SMYD3: variants seen among roughly 807,000 people sequenced by gnomAD.
SMYD3 encodes SET and MYND domain containing 3.
SMYD3 carries 36 observed loss-of-function variants against 57.7 expected under a neutral mutation model. The observed-to-expected ratio is 0.62, with a 90% CI of 0.48 to 0.82. The LOEUF (loss-of-function observed/expected upper bound fraction) is 0.82. Ranked by LOEUF, SMYD3 falls within the 40% of genes least tolerant of loss-of-function variation. The probability of loss-of-function intolerance (pLI) is 0.00; values close to 1 mark genes in which losing one functional copy is unlikely to be tolerated. For missense variants in SMYD3, 515 were observed against 538.8 expected (o/e 0.96, Z 0.44); for synonymous variants, 211 against 195.0 (o/e 1.08, Z -0.68).
intron 5 of SMYD3, among the ~76,000 whole-genome samples, chr1:246,242,828 G>C (rs10924607): frequency 0.21 from 31,293 of 151,434 alleles, 3,933 homozygotes; most frequent in East Asian, 0.58. Context: ...AGACTTTAAA[G>C]CAACAAAGAT....
chr1:245,951,107 T>C (rs1441394904), intron 5 of SMYD3, among the ~76,000 whole-genome samples: 3 of 152,082 alleles, frequency 2.0e-5, no homozygotes, highest in African/African-American at 2.4e-5. Flanking sequence ...ACACAAGAAC[T>C]GAAGAAAAAC....
chr1:246,153,867 AC>A (rs2061980639), intron 5 of SMYD3, among the ~76,000 whole-genome samples: 1 of 152,088 alleles, frequency 6.6e-6, no homozygotes, highest in South Asian at 2.1e-4. Context: ...TAGAAAAAAA[AC>A]CCTTTATACT....
At chr1:246,261,707 T>TA (rs34249312) in intron 5 of SMYD3, among the ~76,000 whole-genome samples, 58 of 151,050 alleles carry the variant, frequency 3.8e-4, no homozygotes, top group Non-Finnish European at 7.1e-4. Context: ...AATAAGAATT[T>TA]AAAAAAAAAA....
chr1:246,088,562 A>C, intron 5 of SMYD3, among the ~76,000 whole-genome samples: 1 of 140,514 alleles, frequency 7.1e-6, no homozygotes, highest in African/African-American at 3.0e-5. Flanking sequence ...GTGAGCCGAG[A>C]TCATGCCACT....
At chr1:246,491,559 AAGAG>A (rs1553356215) in intron 1 of SMYD3, among the ~76,000 whole-genome samples, 1 of 148,272 alleles carries the variant, frequency 6.7e-6, no homozygotes, top group African/African-American at 2.5e-5. Flanking sequence ...AAAAAAAAAA[AAGAG>A]AGAGAAATAA....
rs761313433 is a variant in SMYD3, at chr1:245,915,665, C to T, written c.703-25G>A. The T allele has an allele frequency of 2.2e-5, 32 of 1,426,570 alleles. 1 individual carries two copies. The Admixed American group carries it at 3.6e-4, about 16-fold the overall frequency. The allele number at this position is 1,426,570 out of a possible 1,614,324, so 88.4% of individuals were successfully genotyped here. ...GCTGTGCAGGCCAGAGAGAGGGAAG[C>T]GCTGAAACATCTGCTGTGCTCATTT... is the stretch of plus-strand genomic sequence containing the variant. On this transcript the variant is annotated intron_variant, in intron 7 of 11. Coordinates refer to ENST00000490107, the MANE Select transcript of SMYD3 (RefSeq NM_001167740.2).
intron 5 of SMYD3, among the ~76,000 whole-genome samples, chr1:246,291,037 A>T (rs1267858017): frequency 2.6e-5 from 2 of 77,836 alleles, no homozygotes; most frequent in Middle Eastern, 5.0e-3. Context: ...TAAGCGTGAT[A>T]AAAAAAAAAA....
At chr1:245,889,490 C>T (rs2053263293) in intron 8 of SMYD3, among the ~76,000 whole-genome samples, 1 of 152,144 alleles carries the variant, frequency 6.6e-6, no homozygotes, top group Non-Finnish European at 1.5e-5. Context: ...CTGAAGAGGT[C>T]TGTTTTCAGA....
chr1:246,465,542 C>T (rs1045111931), intron 1 of SMYD3, among the ~76,000 whole-genome samples: 3 of 152,068 alleles, frequency 2.0e-5, no homozygotes, highest in Non-Finnish European at 4.4e-5. Context: ...ATTAAAAGAA[C>T]ACCTATCGGG....
chr1:246,387,073 C>T (rs956169530), intron 1 of SMYD3, among the ~76,000 whole-genome samples: 33 of 152,042 alleles, frequency 2.2e-4, no homozygotes, highest in African/African-American at 7.2e-4. Flanking sequence ...GCTTTGCACA[C>T]GGTAAAGGGC....
intron 5 of SMYD3, among the ~76,000 whole-genome samples, chr1:246,260,182 C>G (rs1333012058): frequency 6.6e-6 from 1 of 152,132 alleles, no homozygotes; most frequent in African/African-American, 2.4e-5. Flanking sequence ...TGCAGACCTG[C>G]CTGGGCTTAG....
At chr1:246,018,782 T>TTTA (rs1357441505) in intron 5 of SMYD3, among the ~76,000 whole-genome samples, 1 of 151,140 alleles carries the variant, frequency 6.6e-6, no homozygotes, top group Non-Finnish European at 1.5e-5. Flanking sequence ...TTTTTTTTTT[T>TTTA]CCTGTAGAGA....
intron 5 of SMYD3, among the ~76,000 whole-genome samples, chr1:246,137,122 C>T (rs867039231): frequency 3.3e-5 from 5 of 152,078 alleles, no homozygotes; most frequent in Admixed American, 2.0e-4. Context: ...ATATAAGTCA[C>T]GTGCTGTAAT....
chr1:246,408,341 C>A (rs1022140342), intron 1 of SMYD3, among the ~76,000 whole-genome samples: 1 of 151,976 alleles, frequency 6.6e-6, no homozygotes, highest in Non-Finnish European at 1.5e-5. Context: ...TTCAGGATAG[C>A]ATTTGTGTGT....
intron 2 of SMYD3, among the ~76,000 whole-genome samples, chr1:246,340,823 T>C (rs1218029712): frequency 6.6e-6 from 1 of 152,190 alleles, no homozygotes; most frequent in East Asian, 1.9e-4. Flanking sequence ...TTTTTTTAGT[T>C]AGCCAGACAT....
chr1:246,457,341 G>A (rs2067712876), intron 1 of SMYD3, among the ~76,000 whole-genome samples: 1 of 151,922 alleles, frequency 6.6e-6, no homozygotes, highest in South Asian at 2.1e-4. Flanking sequence ...AGACCAGCCT[G>A]GCCAACATGG....
intron 8 of SMYD3, among the ~76,000 whole-genome samples, chr1:245,871,436 G>C (rs1208165195): frequency 6.6e-6 from 1 of 152,164 alleles, no homozygotes; most frequent in Non-Finnish European, 1.5e-5. Context: ...AAAAATAGTG[G>C]CTAAAAATAG....
chr1:246,288,945 C>T (rs1348270383), intron 5 of SMYD3, among the ~76,000 whole-genome samples: 1 of 152,066 alleles, frequency 6.6e-6, no homozygotes, highest in African/African-American at 2.4e-5. Flanking sequence ...GAAACCCTGT[C>T]TCTACTAAAA....
intron 1 of SMYD3, among the ~76,000 whole-genome samples, chr1:246,458,481 CTG>C (rs1426141337): frequency 8.8e-6 from 1 of 113,866 alleles, no homozygotes; most frequent in African/African-American, 3.3e-5. Context: ...GAGTCTCGCT[CTG>C]TTGCCCAGGC....
Sources: allele counts gnomAD v4.1 joint callset (sites outside exome capture counted in the v4.1 genomes callset), GRCh38; gene constraint gnomAD v4.1.1; transcripts MANE v1.5; gene names NCBI Gene and HGNC (gene_info 2026-07-23, HGNC 2026-07-21).